CCDC73: variants seen among roughly 807,000 people sequenced by gnomAD.
CCDC73 encodes the protein coiled-coil domain containing 73.
A neutral mutation model predicts 116.5 loss-of-function variants in CCDC73; 95 were observed. The observed-to-expected ratio is 0.82, with a 90% CI of 0.69 to 0.97. The LOEUF (loss-of-function observed/expected upper bound fraction) is 0.97, where lower values mean the gene tolerates loss of function less well. Ranked by LOEUF, CCDC73 falls within the 50% of genes least tolerant of loss-of-function variation. The pLI is 0.00. For missense variants in CCDC73, 1,066 were observed against 1,206.8 expected (o/e 0.88, Z 1.73); for synonymous variants, 398 against 401.3 (o/e 0.99, Z 0.10).
intron 1 of CCDC73, among the ~76,000 whole-genome samples, chr11:32,794,161 A>G (rs1284003793): frequency 6.6e-6 from 1 of 152,204 alleles, no homozygotes; most frequent in Non-Finnish European, 1.5e-5. Context: ...AGATTCACCA[A>G]TAACAGTTCC....
intron 1 of CCDC73, among the ~76,000 whole-genome samples, chr11:32,784,194 G>A (rs565245547): frequency 2.0e-5 from 3 of 152,186 alleles, no homozygotes; most frequent in African/African-American, 4.8e-5. Context: ...GCCGGGCGTC[G>A]TGGTGCATGC....
chr11:32,688,279 C>T (rs929123792), intron 6 of CCDC73, among the ~76,000 whole-genome samples: 3 of 152,134 alleles, frequency 2.0e-5, no homozygotes, highest in African/African-American at 7.2e-5. Flanking sequence ...TGTGATATTC[C>T]TTCCAGAGAT....
At chr11:32,627,080 G>A (rs1030220233) in intron 14 of CCDC73, among the ~76,000 whole-genome samples, 24 of 151,876 alleles carry the variant, frequency 1.6e-4, no homozygotes, top group African/African-American at 5.6e-4. Context: ...TCTGACAAAG[G>A]GCTAATATCC....
chr11:32,781,606 C>G (rs541755066), intron 1 of CCDC73, among the ~76,000 whole-genome samples: 8 of 152,310 alleles, frequency 5.3e-5, no homozygotes, highest in Non-Finnish European at 8.8e-5. Context: ...CCTCTCTGAC[C>G]TGGGCAGAAG....
At chr11:32,736,577 T>A (rs1330962917) in intron 2 of CCDC73, among the ~76,000 whole-genome samples, 1 of 152,006 alleles carries the variant, frequency 6.6e-6, no homozygotes, top group Non-Finnish European at 1.5e-5. Flanking sequence ...GGTAAACTAG[T>A]TCAACCATTG....
At chr11:32,646,130 C>A (rs1429952684) in intron 12 of CCDC73, among the ~76,000 whole-genome samples, 3 of 152,164 alleles carry the variant, frequency 2.0e-5, no homozygotes, top group Non-Finnish European at 4.4e-5. Flanking sequence ...CTAGCAATAT[C>A]AATCATTTCT....
At chr11:32,755,271 C>T (rs1850322487) in intron 2 of CCDC73, among the ~76,000 whole-genome samples, 1 of 146,656 alleles carries the variant, frequency 6.8e-6, no homozygotes, top group Admixed American at 6.9e-5. Context: ...CATGGTGGCT[C>T]ACCCGTGTAA....
rs754011770 is a variant in CCDC73, at chr11:32,614,486, C to T, written c.1832G>A (p.Arg611Gln). 5.2e-5 allele frequency: 84 copies of T among 1,613,068 alleles called. 4 individuals carry two copies. In the South Asian group the frequency reaches 8.7e-4, roughly 17 times the overall value. The change falls in exon 16 of 18, where the codon CGA (arginine) becomes CAA (glutamine). Residue 611 changes from arginine to glutamine, a missense_variant. By Grantham distance (43) the Arg-to-Gln change is conservative (BLOSUM62 1). Transcript: ENST00000335185. Reference sequence around the variant, plus strand: ...AATTTCCTTCTCTAGAGCATGTTCTCGAGTCCCTGGAAGCAATCTGAATTG... The same window carrying T: ...AATTTCCTTCTCTAGAGCATGTTCTTGAGTCCCTGGAAGCAATCTGAATTG... ...FKQFRLLPGTREHALEKEITN... is the reference protein window; with the variant it reads ...FKQFRLLPGTQEHALEKEITN...
intron 14 of CCDC73, among the ~76,000 whole-genome samples, chr11:32,623,593 A>G (rs533101633): frequency 6.6e-6 from 1 of 152,282 alleles, no homozygotes; most frequent in South Asian, 2.1e-4. Context: ...CACTCAAGCA[A>G]TTCACCTGCC....
chr11:32,663,613 T>A (rs1855951441), intron 9 of CCDC73, among the ~76,000 whole-genome samples: 1 of 152,352 alleles, frequency 6.6e-6, no homozygotes, highest in East Asian at 1.9e-4. Flanking sequence ...TATACAGTCA[T>A]GTCATCTGCA....
At chr11:32,797,104 T>C (rs1393225527), upstream of CCDC73, among the ~76,000 whole-genome samples, 3 of 151,266 alleles carry the variant, frequency 2.0e-5, no homozygotes, top group African/African-American at 7.3e-5. Context: ...CAAGTCATGA[T>C]ACATGTGAAC....
intron 2 of CCDC73, among the ~76,000 whole-genome samples, chr11:32,722,214 T>C (rs1849996006): frequency 6.6e-6 from 1 of 152,194 alleles, no homozygotes; most frequent in African/African-American, 2.4e-5. Context: ...CCCCTCATGG[T>C]TGCAAAATGG....
At chr11:32,641,440 G>C (rs891292624) in intron 13 of CCDC73, among the ~76,000 whole-genome samples, 1 of 151,898 alleles carries the variant, frequency 6.6e-6, no homozygotes, top group Non-Finnish European at 1.5e-5. Context: ...ATGATTTAAG[G>C]AAACAGCCAT....
At chr11:32,696,306 C>A (rs184120545) in intron 6 of CCDC73, among the ~76,000 whole-genome samples, 1 of 152,340 alleles carries the variant, frequency 6.6e-6, no homozygotes, top group African/African-American at 2.4e-5. Context: ...TCATTTAATG[C>A]ATGAGTCTAA....
upstream of CCDC73, among the ~76,000 whole-genome samples, chr11:32,798,544 G>A (rs1240161204): frequency 6.6e-6 from 1 of 152,216 alleles, no homozygotes; most frequent in Non-Finnish European, 1.5e-5. Context: ...GGGCTCAAGT[G>A]ATCCTCCTGC....
intron 9 of CCDC73, among the ~76,000 whole-genome samples, chr11:32,662,615 AT>A (rs952616809): frequency 4.0e-5 from 6 of 151,460 alleles, no homozygotes; most frequent in Non-Finnish European, 7.4e-5. Flanking sequence ...AGATTGCAAA[AT>A]TTTTTTCCCA....
chr11:32,611,194 G>A lies in CCDC73; in HGVS notation c.2968C>T (p.Pro990Ser). The change falls in exon 17 of 18, where the codon CCC becomes TCC. Residue 990 changes from proline (P) to serine (S), a missense_variant. By Grantham distance (74) the Pro-to-Ser change is moderately conservative (BLOSUM62 -1). Transcript: ENST00000335185. ...GCCATTGCATTCTTCTCTTCACTGG[G>A]TTCTCCCTTGGGATCTGGATGGATA... The part of the protein sequence containing the change: ...WSIHPDPKGE[P>S]SEEKNAMAKT... The A allele has an allele frequency of 6.2e-7, 1 of 1,613,504 alleles. No homozygotes were observed. The highest frequency in any genetic ancestry group is 1.1e-5 in the South Asian group (1 of 91,064).
At chr11:32,793,768 G>A (rs1004589418) in intron 1 of CCDC73, among the ~76,000 whole-genome samples, 1 of 151,780 alleles carries the variant, frequency 6.6e-6, no homozygotes, top group Non-Finnish European at 1.5e-5. Context: ...CCGCCACCAC[G>A]CCCGGCTAAT....
intron 2 of CCDC73, among the ~76,000 whole-genome samples, chr11:32,754,800 A>C (rs922133014): frequency 1.3e-5 from 2 of 152,044 alleles, no homozygotes; most frequent in Non-Finnish European, 2.9e-5. Flanking sequence ...GTTTACCATT[A>C]ACAGACTTTT....
Sources: gnomAD v4.1 joint callset for allele counts (sites outside exome capture counted in the v4.1 genomes callset) on GRCh38, gnomAD v4.1.1 for gene constraint, MANE v1.5 for transcripts, NCBI Gene and HGNC (gene_info 2026-07-23, HGNC 2026-07-21) for gene names.